PPFIA2: variants seen among roughly 807,000 people sequenced by gnomAD.
PPFIA2 encodes PPFI scaffold protein A2.
In PPFIA2, 46 loss-of-function variants were observed where a neutral mutation model predicts 175.5. The observed-to-expected ratio is 0.26, with a 90% CI of 0.21 to 0.34. The LOEUF is 0.34. Among genes scored for constraint, PPFIA2 ranks in the 10% least tolerant of loss-of-function variants. The pLI, the probability that PPFIA2 is intolerant of heterozygous loss-of-function variation, is 1.00. For synonymous variants in PPFIA2, 568 were observed against 511.4 expected (o/e 1.11, Z -1.49); for missense variants, 1,179 against 1,506.1 (o/e 0.78, Z 3.60).
intron 4 of PPFIA2, among the ~76,000 whole-genome samples, chr12:81,611,288 A>T (rs1003915706): frequency 1.3e-5 from 2 of 152,068 alleles, no homozygotes; most frequent in African/African-American, 4.8e-5. Context: ...AGAGGGAGGC[A>T]TACTCCACTC....
intron 4 of PPFIA2, among the ~76,000 whole-genome samples, chr12:81,631,928 T>G (rs1459852266): frequency 1.3e-5 from 2 of 152,216 alleles, no homozygotes; most frequent in Non-Finnish European, 2.9e-5. Context: ...TTAGTACATC[T>G]TAGCTATTAA....
chr12:81,370,534 T>C (rs1428123756), intron 11 of PPFIA2, among the ~76,000 whole-genome samples: 1 of 151,912 alleles, frequency 6.6e-6, no homozygotes, highest in Non-Finnish European at 1.5e-5. Context: ...AAATCTTGTT[T>C]GTGACTCTCC....
chr12:81,559,751 T>C (rs2153387315), intron 4 of PPFIA2, among the ~76,000 whole-genome samples: 1 of 152,218 alleles, frequency 6.6e-6, no homozygotes, highest in East Asian at 1.9e-4. Flanking sequence ...TATTAAGTGA[T>C]TTTACATTTC....
chr12:81,393,206 A>G lies in PPFIA2; in HGVS notation c.763-8962T>C, dbSNP rs1466505702. On this transcript the variant is annotated intron_variant, in intron 8 of 32. Coordinates refer to ENST00000549396, the MANE Select transcript of PPFIA2 (RefSeq NM_003625.5). ...ATTACAGCATGAAATAAACATGTTA[A>G]TGATTGATAGAGAAAAACATTCATC... 2.0e-5 allele frequency among the ~76,000 whole-genome samples: 3 copies of G among 152,220 alleles called. No individual in the cohort carries two copies. In the East Asian group the frequency reaches 5.8e-4, roughly 29 times the overall value.
chr12:81,377,222 T>G (rs2141776575), intron 9 of PPFIA2, among the ~76,000 whole-genome samples: 1 of 152,142 alleles, frequency 6.6e-6, no homozygotes, highest in East Asian at 1.9e-4. Context: ...TGAGAATTTT[T>G]GTATATATAA....
chr12:81,336,748 G>A (rs1208817393), intron 21 of PPFIA2, among the ~76,000 whole-genome samples: 1 of 152,072 alleles, frequency 6.6e-6, no homozygotes, highest in African/African-American at 2.4e-5. Context: ...TTCAAATTTG[G>A]TACTTTGACA....
At position 81,294,841 on chromosome 12, in the gene PPFIA2, A is replaced by C; in HGVS notation, c.2919T>G (p.Ser973=). The C allele has an allele frequency of 6.2e-7, 1 of 1,612,724 alleles. No homozygotes were observed. The highest frequency in any genetic ancestry group is 8.5e-7 in the Non-Finnish European group (1 of 1,179,332). Reference sequence around the variant, plus strand: ...GGAGCAGAAACTGACTCACAGTTCGAGATGTTGGAGGAGCTGAAGGACTTG... The same window carrying C: ...GGAGCAGAAACTGACTCACAGTTCGCGATGTTGGAGGAGCTGAAGGACTTG... The part of the protein sequence containing the change: ...SLTSPSAPPT[S]RTPSGNVWVT... The change falls in exon 24 of 33, where the codon TCT becomes TCG. Residue 973 remains serine (S), a synonymous_variant. Coordinates refer to ENST00000549396, the MANE Select transcript of PPFIA2 (RefSeq NM_003625.5).
At chr12:81,504,096 A>G (rs2060881213) in intron 4 of PPFIA2, among the ~76,000 whole-genome samples, 1 of 152,054 alleles carries the variant, frequency 6.6e-6, no homozygotes, top group Non-Finnish European at 1.5e-5. Context: ...TTATAAAGTA[A>G]TTATAAATAA....
intron 27 of PPFIA2, among the ~76,000 whole-genome samples, chr12:81,279,938 G>C (rs1321495134): frequency 6.6e-6 from 1 of 152,130 alleles, no homozygotes; most frequent in Non-Finnish European, 1.5e-5. Context: ...ACTAAAAAAT[G>C]AGGTGCTCAA....
At chr12:81,708,030 G>T (rs1037747814) in intron 3 of PPFIA2, among the ~76,000 whole-genome samples, 1 of 120,416 alleles carries the variant, frequency 8.3e-6, no homozygotes, top group Non-Finnish European at 1.7e-5. Flanking sequence ...TGTGGGGTGG[G>T]GGGAGGGGGG....
chr12:81,612,990 T>G (rs2061084070), intron 4 of PPFIA2, among the ~76,000 whole-genome samples: 1 of 152,228 alleles, frequency 6.6e-6, no homozygotes, highest in Non-Finnish European at 1.5e-5. Flanking sequence ...ATGACCTTTA[T>G]GCTTAAATTA....
At chr12:81,702,447 T>C (rs1006903258) in intron 3 of PPFIA2, among the ~76,000 whole-genome samples, 1 of 152,178 alleles carries the variant, frequency 6.6e-6, no homozygotes, top group Non-Finnish European at 1.5e-5. Flanking sequence ...ATCTTGTCTA[T>C]ATCACCAAAT....
intron 28 of PPFIA2, 118 bp downstream of exon 28, chr12:81,277,199 A>C: frequency 6.4e-6 from 5 of 787,122 alleles, no homozygotes; most frequent in Non-Finnish European, 9.0e-6. Context: ...TAACAATTCT[A>C]GCCAAATACT....
intron 3 of PPFIA2, among the ~76,000 whole-genome samples, chr12:81,691,724 A>G (rs2075267780): frequency 6.6e-6 from 1 of 152,186 alleles, no homozygotes; most frequent in African/African-American, 2.4e-5. Context: ...AATGGATAAT[A>G]GTTAGCTAAA....
intron 4 of PPFIA2, among the ~76,000 whole-genome samples, chr12:81,560,097 T>C (rs2069714618): frequency 6.6e-6 from 1 of 152,074 alleles, no homozygotes; most frequent in Non-Finnish European, 1.5e-5. Flanking sequence ...TCCTGAATAA[T>C]ACAGGTACTG....
At chr12:81,262,879 A>G (rs539280569) in intron 31 of PPFIA2, among the ~76,000 whole-genome samples, 1 of 152,218 alleles carries the variant, frequency 6.6e-6, no homozygotes. Flanking sequence ...TCCATTTACT[A>G]TGGATCTTTA....
chr12:81,666,231 T>C (rs1418409906), intron 4 of PPFIA2, among the ~76,000 whole-genome samples: 1 of 152,166 alleles, frequency 6.6e-6, no homozygotes, highest in Non-Finnish European at 1.5e-5. Context: ...GAACTAGAAA[T>C]ACTGTTTGAC....
intron 17 of PPFIA2, among the ~76,000 whole-genome samples, 184 bp downstream of exon 17, chr12:81,352,935 A>G (rs1028977379): frequency 2.0e-5 from 3 of 152,182 alleles, no homozygotes; most frequent in African/African-American, 7.2e-5. Flanking sequence ...AAGGAGATAT[A>G]CAATATCCTG....
chr12:81,728,401 T>C (rs2080383929), intron 3 of PPFIA2, among the ~76,000 whole-genome samples: 1 of 151,484 alleles, frequency 6.6e-6, no homozygotes, highest in South Asian at 2.1e-4. Flanking sequence ...AACATCTTTA[T>C]GCTCAGTCTC....
Sources: allele counts gnomAD v4.1 joint callset (sites outside exome capture counted in the v4.1 genomes callset), GRCh38; gene constraint gnomAD v4.1.1; transcripts MANE v1.5; gene names NCBI Gene and HGNC (gene_info 2026-07-23, HGNC 2026-07-21).